The following UCP3 variants were observed in gnomAD, a reference collection of about 807,000 sequenced individuals.
UCP3 encodes the protein uncoupling protein 3, also known as putative mitochondrial transporter UCP3.
Under a neutral mutation model 28.1 loss-of-function variants are expected in UCP3, and 24 were observed. The ratio of observed to expected loss-of-function variants is 0.85; its 90% CI spans 0.62 to 1.20. The LOEUF (loss-of-function observed/expected upper bound fraction) is 1.20, where lower values mean the gene tolerates loss of function less well. Ranked by LOEUF, UCP3 falls within the 50% of genes most tolerant of loss-of-function variation. UCP3 has a pLI of 0.00. For synonymous variants in UCP3, 184 were observed against 171.2 expected (o/e 1.07, Z -0.59); for missense variants, 397 against 422.2 (o/e 0.94, Z 0.52).
chr11:74,005,630 A>T, intron 4 of UCP3, 100 bp downstream of exon 4: 1 of 1,317,778 alleles, frequency 7.6e-7, no homozygotes, highest in Non-Finnish European at 1.1e-6. Flanking sequence ...TCACTGGAAC[A>T]CGCCATGCTG....
chr11:74,002,025 C>T (rs2135385475), intron 6 of UCP3: 1 of 191,760 alleles, frequency 5.2e-6, no homozygotes, highest in South Asian at 9.7e-5. Context: ...AGATTTAGCT[C>T]TTCTCCAGAG....
chr11:74,007,086 G>A lies in UCP3; in HGVS notation c.-44C>T. 6.2e-7 allele frequency: 1 copy of A among 1,610,002 alleles called. No individual in the cohort carries two copies. The highest frequency in any genetic ancestry group is 8.5e-7 in the Non-Finnish European group (1 of 1,179,010). ...CCAGTCCCTTTAGGGCCGAGAGGAG[G>A]TCCAAGGAGAGAGGCTGCTCCACAG... On this transcript the variant is annotated 5_prime_UTR_variant, in exon 2 of 7. Coordinates refer to ENST00000314032, the MANE Select transcript of UCP3 (RefSeq NM_003356.4).
rs573567746 is a variant in UCP3 at position 74,001,435 on chromosome 11, T to A, written c.916A>T (p.Met306Leu). Residue 306 changes from methionine to leucine, a missense_variant, in exon 7 of 7, where the codon ATG becomes TTG. By Grantham distance (15) the Met-to-Leu change is conservative. Coordinates refer to ENST00000314032, the MANE Select transcript of UCP3 (RefSeq NM_003356.4). Reference sequence around the variant, plus strand: ...GTTCAAAACGGTGATTCCCGTAACATCTGGACTTTCATCAGGGCCCGTTTC... The same window carrying A: ...GTTCAAAACGGTGATTCCCGTAACAACTGGACTTTCATCAGGGCCCGTTTC... ...QLKRALMKVQ[M>L]LRESPF is the part of the protein sequence containing the mutation. The A allele has an allele frequency of 6.2e-7, 1 of 1,614,186 alleles. No homozygotes were observed. The highest frequency in any genetic ancestry group is 1.1e-5 in the South Asian group (1 of 91,086).
chr11:74,007,378 C>T (rs1319885650), intron 1 of UCP3: 5 of 328,960 alleles, frequency 1.5e-5, no homozygotes, highest in Admixed American at 1.2e-4. Flanking sequence ...GGTACCTGCA[C>T]TGTATACATG....
At position 74,001,685 on chromosome 11, in the gene UCP3, T is replaced by C. The variant is rs181052900; in HGVS notation, c.825-159A>G. ...TCAGTCTCTCTCTCTCTTTTTTTTT[T>C]CTGCTAAGGGGATTTAGGCAGAAGT... is the stretch of plus-strand genomic sequence containing the variant. On this transcript the variant is annotated intron_variant, in intron 6 of 6. Coordinates refer to ENST00000314032, the MANE Select transcript of UCP3 (RefSeq NM_003356.4). 275 of 674,644 alleles carry C rather than the reference T, an allele frequency of 4.1e-4. 1 individual carries two copies. In the African/African-American group the frequency reaches 4.7e-3, roughly 11 times the overall value. 41.8% of individuals were successfully genotyped at this position (674,644 alleles called of 1,614,324 possible).
intron 3 of UCP3, 92 bp downstream of exon 3, chr11:74,006,077 C>A: frequency 6.3e-7 from 1 of 1,575,458 alleles, no homozygotes; most frequent in South Asian, 1.1e-5. Flanking sequence ...TTCCCCCCGC[C>A]CCTGGCTCTG....
intron 6 of UCP3, 128 bp from the exon 7 acceptor site, chr11:74,001,654 A>C: frequency 1.3e-6 from 1 of 796,854 alleles, no homozygotes; most frequent in Non-Finnish European, 2.1e-6. Flanking sequence ...CATTTTCTGA[A>C]TCCTTTCAGT....
chr11:74,003,779 A>C, intron 6 of UCP3, 48 bp downstream of exon 6: 1 of 1,527,166 alleles, frequency 6.5e-7, no homozygotes, highest in Non-Finnish European at 8.8e-7. Context: ...GAAAAGAAAG[A>C]AGCCCCTGTT....
Position 74,003,812 on chromosome 11 carries a change from C to T in UCP3, c.824+15G>A. ...GTTCTCTGGGAGGGAGTGCTGGAGG[C>T]AGGAGGAGGCTCACCCCTTGTAGAA... On this transcript the variant is annotated intron_variant, in intron 6 of 6. Coordinates refer to ENST00000314032, the MANE Select transcript of UCP3 (RefSeq NM_003356.4). The T allele has an allele frequency of 6.4e-7, 1 of 1,567,910 alleles. No homozygotes were observed. Among genetic ancestry groups the T allele is most frequent in the Non-Finnish European group, 8.6e-7 (1 of 1,159,120 alleles).
At chr11:74,006,662 C>G (rs116676114) in intron 2 of UCP3, among the ~76,000 whole-genome samples, 2,761 of 152,318 alleles carry the variant, frequency 0.018, 80 homozygotes, top group African/African-American at 0.063. Context: ...TAATTCCTTA[C>G]TTTTACCTCA....
chr11:74,005,895 T>C lies in UCP3; in HGVS notation c.376A>G (p.Thr126Ala). ...GCACAGGTCACCGCCATGGCTCCTG[T>C]GGTGCAGCCGGCCAAAATCCGGGTA... is the stretch of plus-strand genomic sequence containing the variant. ...LTTRILAGCT[T>A]GAMAVTCAQP... Residue 126 changes from threonine (T) to alanine (A), a missense_variant, in exon 4 of 7, where the codon ACA becomes GCA. Coordinates refer to ENST00000314032, the MANE Select transcript of UCP3 (RefSeq NM_003356.4). 1.2e-6 allele frequency: 2 copies of C among 1,614,116 alleles called. No individual in the cohort carries two copies. Among genetic ancestry groups the C allele is most frequent in the Non-Finnish European group, 8.5e-7 (1 of 1,180,012 alleles).
intron 6 of UCP3, among the ~76,000 whole-genome samples, chr11:74,003,240 C>A (rs1951634032): frequency 6.6e-6 from 1 of 152,204 alleles, no homozygotes; most frequent in Non-Finnish European, 1.5e-5. Context: ...CAGGAACTTG[C>A]TCTTTGCATG....
rs1183315824 is a variant in UCP3, at chr11:74,000,956, C to A, written c.*456G>T. On this transcript the variant is annotated 3_prime_UTR_variant, in exon 7 of 7. Coordinates refer to ENST00000314032, the MANE Select transcript of UCP3 (RefSeq NM_003356.4). ...GTGATGGTGCAGCTGCAGTCGCCAG[C>A]TCTGTGTTGCTGGGTGGCATCCCTC... is the stretch of plus-strand genomic sequence containing the variant. 3 of 200,236 alleles carry A rather than the reference C, an allele frequency of 1.5e-5. No homozygotes were observed. The highest frequency in any genetic ancestry group is 3.1e-5 in the Non-Finnish European group (3 of 98,008). The allele number at this position is 200,236 out of a possible 1,614,324, so 12.4% of individuals were successfully genotyped here. A position where few individuals can be genotyped will look rare whatever the true frequency, so the allele number is the denominator to read the frequency against.
chr11:74,006,919 G>A lies in UCP3; in HGVS notation c.124C>T (p.Gln42Ter), dbSNP rs1175362364. 1 of 1,614,180 alleles carries A rather than the reference G, an allele frequency of 6.2e-7. No individual in the cohort carries two copies. Among genetic ancestry groups the A allele is most frequent in the Admixed American group, 1.7e-5 (1 of 60,028 alleles). The change falls in exon 2 of 7, where the codon CAG becomes TAG. Residue 42 changes from glutamine (Q) to a stop codon, truncating the protein, a stop_gained and splice_region_variant. Coordinates refer to ENST00000314032, the MANE Select transcript of UCP3 (RefSeq NM_003356.4). LOFTEE classifies it high-confidence loss of function. ...ACCCTTGGCCAAAGGGCACCTACCT[G>A]CAGGCGGACCTTGGCTGTGTCCAGT... The part of the protein sequence containing the change: ...FPLDTAKVRL[Q>*]IQGENQAVQT...
At chr11:74,001,936 C>T (rs972447679) in intron 6 of UCP3, 6 of 269,560 alleles carry the variant, frequency 2.2e-5, no homozygotes, top group South Asian at 4.0e-5. Flanking sequence ...AGTTACACCC[C>T]GGGTGGCCAG....
At chr11:74,004,340 A>G in intron 5 of UCP3, 144 bp downstream of exon 5, 1 of 788,930 alleles carries the variant, frequency 1.3e-6, no homozygotes. Flanking sequence ...TGTCACCACA[A>G]TGTACCTGGC....
chr11:74,001,768 G>A, intron 6 of UCP3: 1 of 486,980 alleles, frequency 2.1e-6, no homozygotes, highest in East Asian at 3.9e-5. Context: ...GTGTTAGGCA[G>A]CGAATTCTCA....
chr11:74,004,359 C>T (rs1427512902), intron 5 of UCP3, 125 bp downstream of exon 5: 5 of 882,014 alleles, frequency 5.7e-6, no homozygotes, highest in African/African-American at 3.4e-5. Flanking sequence ...GCACTTTTTA[C>T]TAGGCACTGC....
chr11:74,003,434 T>A (rs1369271305), intron 6 of UCP3: 1 of 991,328 alleles, frequency 1.0e-6, no homozygotes. Flanking sequence ...AGCCTGTAGA[T>A]GATGAGGCAT....
Sources: allele counts gnomAD v4.1 joint callset (sites outside exome capture counted in the v4.1 genomes callset), GRCh38; gene constraint gnomAD v4.1.1; transcripts MANE v1.5; gene names NCBI Gene and HGNC (gene_info 2026-07-23, HGNC 2026-07-21).